The following STK39 variants were observed in gnomAD, a reference collection of about 807,000 sequenced individuals.
STK39 encodes STE20/SPS1-related proline-alanine-rich protein kinase.
In STK39, 20 loss-of-function variants were observed where a neutral mutation model predicts 77.8. The ratio of observed to expected loss-of-function variants is 0.26; its 90% CI spans 0.18 to 0.37. The LOEUF (loss-of-function observed/expected upper bound fraction) is 0.37. Among genes scored for constraint, STK39 ranks in the 10% least tolerant of loss-of-function variants. The pLI is 1.00. For synonymous variants in STK39, 246 were observed against 234.1 expected, an observed-to-expected ratio of 1.05 and a Z score of -0.47; for missense variants, 479 against 656.5, an observed-to-expected ratio of 0.73 and a Z score of 2.95.
intron 16 of STK39, among the ~76,000 whole-genome samples, chr2:167,990,044 GAAACT>G (rs1482722653): frequency 6.6e-6 from 1 of 151,202 alleles, no homozygotes; most frequent in Non-Finnish European, 1.5e-5. Context: ...ATGGTTATTA[GAAACT>G]AAACTGTAAA....
chr2:168,135,334 T>C (rs1256766327), intron 8 of STK39, among the ~76,000 whole-genome samples: 2 of 152,144 alleles, frequency 1.3e-5, no homozygotes, highest in Admixed American at 1.3e-4. Flanking sequence ...TGCTATGAGT[T>C]TGAAGTGCCC....
intron 1 of STK39, among the ~76,000 whole-genome samples, chr2:168,182,342 A>G (rs1679848476): frequency 6.6e-6 from 1 of 152,112 alleles, no homozygotes. Flanking sequence ...GCATCTACAT[A>G]CAACCTTGCA....
rs576508637 is a variant in STK39, at chr2:168,007,797, A to C, written c.1498+4837T>G. 4.6e-5 allele frequency among the ~76,000 whole-genome samples: 7 copies of C among 152,290 alleles called. No individual in the cohort carries two copies. The South Asian group carries it at 1.5e-3, about 32-fold the overall frequency. On this transcript the variant is annotated intron_variant, in intron 16 of 17. Transcript: ENST00000355999. ...TGAGAAGTGAGAGGGGACACAGTGC[A>C]GAGGACTGGAAGCCATGGTGATTGT...
intron 1 of STK39, 90 bp downstream of exon 1, chr2:168,247,138 T>C (rs987391223): frequency 1.6e-5 from 14 of 871,320 alleles, no homozygotes; most frequent in African/African-American, 2.0e-5. Context: ...CTCCAGGGCG[T>C]GCATGCAGGC....
intron 10 of STK39, among the ~76,000 whole-genome samples, chr2:168,110,074 G>GAT (rs1687081698): frequency 6.6e-6 from 1 of 152,054 alleles, no homozygotes; most frequent in African/African-American, 2.4e-5. Context: ...TTCTTTTATA[G>GAT]ATAGACCCTT....
chr2:168,090,890 C>G (rs919672263), intron 10 of STK39, among the ~76,000 whole-genome samples: 1 of 152,112 alleles, frequency 6.6e-6, no homozygotes, highest in Admixed American at 6.5e-5. Context: ...GGGCCTTCCT[C>G]TAAGTATCTT....
intron 10 of STK39, among the ~76,000 whole-genome samples, chr2:168,092,476 C>A (rs1194684023): frequency 6.6e-6 from 1 of 152,226 alleles, no homozygotes; most frequent in Admixed American, 6.5e-5. Flanking sequence ...TATTCTAATT[C>A]ATCTATTTTC....
At position 168,161,698 on chromosome 2, in the gene STK39, T is replaced by C. The variant is rs1688577225; in HGVS notation, c.628+89A>G. The C allele has an allele frequency of 7.9e-6, 7 of 891,534 alleles. No homozygotes were observed. In the Admixed American group the frequency reaches 1.8e-4, roughly 22 times the overall value. The allele number at this position is 891,534 out of a possible 1,614,324, so 55.2% of individuals were successfully genotyped here. On this transcript the variant is annotated intron_variant, in intron 5 of 17. Coordinates refer to ENST00000355999, the MANE Select transcript of STK39 (RefSeq NM_013233.3). The stretch of plus-strand genomic sequence containing the variant: ...CATTCTGAAAAGAGATTACATGCAT[T>C]TATTCATTTCTCAGGAATGATTCTA...
intron 14 of STK39, among the ~76,000 whole-genome samples, chr2:168,020,921 A>G (rs1171995780): frequency 6.6e-6 from 1 of 152,186 alleles, no homozygotes; most frequent in African/African-American, 2.4e-5. Flanking sequence ...GTTCTCATAA[A>G]ACAATCACCA....
At chr2:168,055,951 C>A (rs1030798647) in intron 14 of STK39, among the ~76,000 whole-genome samples, 1 of 152,032 alleles carries the variant, frequency 6.6e-6, no homozygotes, top group Admixed American at 6.6e-5. Context: ...TTACCTTGTA[C>A]GGGCTTTATG....
intron 16 of STK39, among the ~76,000 whole-genome samples, chr2:167,965,883 G>A (rs187135306): frequency 3.9e-4 from 60 of 152,218 alleles, no homozygotes; most frequent in African/African-American, 1.3e-3. Flanking sequence ...CTCTAAGGTC[G>A]ACTGACAACA....
intron 5 of STK39, among the ~76,000 whole-genome samples, chr2:168,145,107 T>C (rs935588527): frequency 6.6e-6 from 1 of 151,968 alleles, no homozygotes; most frequent in Non-Finnish European, 1.5e-5. Context: ...CCAAAGTGGG[T>C]CTTGGAGCCA....
chr2:168,117,907 C>G (rs1687299595), intron 10 of STK39, among the ~76,000 whole-genome samples: 1 of 152,010 alleles, frequency 6.6e-6, no homozygotes, highest in African/African-American at 2.4e-5. Flanking sequence ...AGTTTTCAAT[C>G]AGGGAGAAAA....
chr2:168,008,997 T>C (rs1574387667), intron 16 of STK39, among the ~76,000 whole-genome samples: 1 of 152,158 alleles, frequency 6.6e-6, no homozygotes, highest in African/African-American at 2.4e-5. Flanking sequence ...CATCTGCCAC[T>C]CCTTTTTGCA....
intron 10 of STK39, among the ~76,000 whole-genome samples, chr2:168,120,098 G>A (rs955107199): frequency 6.6e-6 from 1 of 152,126 alleles, no homozygotes; most frequent in Non-Finnish European, 1.5e-5. Flanking sequence ...TTAATAGATG[G>A]TTTTTCCTTT....
intron 14 of STK39, among the ~76,000 whole-genome samples, chr2:168,062,921 T>TA (rs998708767): frequency 1.9e-4 from 28 of 150,312 alleles, no homozygotes; most frequent in East Asian, 3.9e-4. Context: ...TTTAAATAAT[T>TA]AAAAAAAAAA....
chr2:168,090,133 T>C (rs901282175), intron 10 of STK39, among the ~76,000 whole-genome samples: 5 of 152,222 alleles, frequency 3.3e-5, no homozygotes, highest in African/African-American at 1.2e-4. Context: ...AAGGTGGCAT[T>C]TGCTACAAAA....
chr2:167,966,523 T>C (rs1692164311), intron 16 of STK39, among the ~76,000 whole-genome samples: 1 of 152,244 alleles, frequency 6.6e-6, no homozygotes, highest in African/African-American at 2.4e-5. Context: ...TACTGCCTTG[T>C]TCTGGGTCAT....
At chr2:168,196,794 A>G (rs550784013) in intron 1 of STK39, among the ~76,000 whole-genome samples, 3 of 152,326 alleles carry the variant, frequency 2.0e-5, no homozygotes, top group East Asian at 3.9e-4. Flanking sequence ...CTGACCATGC[A>G]AAGATCTGAG....
Sources: allele counts gnomAD v4.1 joint callset (sites outside exome capture counted in the v4.1 genomes callset), GRCh38; gene constraint gnomAD v4.1.1; transcripts MANE v1.5; gene names NCBI Gene and HGNC (gene_info 2026-07-23, HGNC 2026-07-21).